DPP9: variants seen among roughly 807,000 people sequenced by gnomAD.
DPP9 encodes the protein dipeptidyl peptidase IV-related protein-2.
DPP9 carries 50 observed loss-of-function variants against 110.7 expected under a neutral mutation model. That is an observed-to-expected ratio of 0.45 (90% confidence interval 0.36 to 0.57). The LOEUF is 0.57. Ranked by LOEUF, DPP9 falls within the 20% of genes least tolerant of loss-of-function variation. DPP9 has a pLI of 0.00. For synonymous variants in DPP9, 561 were observed against 514.4 expected (o/e 1.09, Z -1.23); for missense variants, 1,022 against 1,217.9 (o/e 0.84, Z 2.39).
chr19:4,676,692 G>T lies in DPP9; in HGVS notation c.2587-36C>A. The T allele has an allele frequency of 6.5e-7, 1 of 1,532,834 alleles. No individual in the cohort carries two copies. The highest frequency in any genetic ancestry group is 8.9e-7 in the Non-Finnish European group (1 of 1,124,570). 95.0% of individuals were successfully genotyped at this position (1,532,834 alleles called of 1,614,324 possible). On this transcript the variant is annotated intron_variant, in intron 21 of 21. Coordinates refer to ENST00000262960, the MANE Select transcript of DPP9 (RefSeq NM_139159.5). This position sits in a 1 kb window ranked among gnomAD's most constrained non-coding sequence, Gnocchi z 4.0. Reference sequence around the variant, plus strand: ...ACAGGAGGCAGGGCTGGGGGGCGTGGCCGGACCACCCCCGTGTCCTAGGCT... The same window carrying T: ...ACAGGAGGCAGGGCTGGGGGGCGTGTCCGGACCACCCCCGTGTCCTAGGCT...
rs1344874023 is a variant in DPP9, at chr19:4,704,173, G to C, written c.558C>G (p.Asn186Lys). Residue 186 changes from asparagine to lysine, a missense_variant, in exon 6 of 22, where the codon AAC (asparagine) becomes AAG (lysine). Coordinates refer to ENST00000262960, the MANE Select transcript of DPP9 (RefSeq NM_139159.5). The surrounding 1 kb of genome is among the most constrained non-coding windows in gnomAD (Gnocchi z 6.0). ...CGCCGTCGCGGCAGTGGAAGAGGCT[G>C]TTGCTGGCCTGGAAGAGGAAGAGGC... is the stretch of plus-strand genomic sequence containing the variant. ...ESGLFLFQAS[N>K]SLFHCRDGGK... The C allele has an allele frequency of 6.2e-7, 1 of 1,613,922 alleles. No homozygotes were observed. The highest frequency in any genetic ancestry group is 8.5e-7 in the Non-Finnish European group (1 of 1,179,908).
rs1225504183 is a variant in DPP9, at chr19:4,694,986, A to AAAAT, written c.1354-167_1354-164dup. On this transcript the variant is annotated intron_variant, in intron 12 of 21. Coordinates refer to ENST00000262960, the MANE Select transcript of DPP9 (RefSeq NM_139159.5). This position sits in a 1 kb window ranked among gnomAD's most constrained non-coding sequence, Gnocchi z 4.0. ...ACAACATAGTAAGACCCCACCTCTA[A>AAAAT]AAATAAATAAATAAATTAGCCAGGC... is the stretch of plus-strand genomic sequence containing the variant. 3.1e-6 allele frequency: 2 copies of AAAAT among 649,566 alleles called. No individual in the cohort carries two copies. Among genetic ancestry groups the AAAAT allele is most frequent in the Non-Finnish European group, 2.6e-6 (1 of 382,350 alleles). The allele number at this position is 649,566 out of a possible 1,614,324, so 40.2% of individuals were successfully genotyped here.
In DPP9 at chr19:4,685,725, C is replaced by G. The variant is rs780477628; in HGVS notation, c.1932G>C (p.Thr644=). The change falls in exon 17 of 22, where the codon ACG becomes ACC. Residue 644 remains threonine, a synonymous_variant. Transcript: ENST00000262960. The surrounding 1 kb of genome is among the most constrained non-coding windows in gnomAD (Gnocchi z 5.8). The part of the protein sequence containing the change: ...YVPPEIFHFH[T]RSDVRLYGMI... The stretch of plus-strand genomic sequence containing the variant: ...TGCCGTAGAGCCGCACATCCGAGCG[C>G]GTGTGGAAATGGAAGATCTCTGGAG... The G allele has an allele frequency of 3.1e-6, 5 of 1,613,286 alleles. No homozygotes were observed. Among genetic ancestry groups the G allele is most frequent in the African/African-American group, 2.7e-5 (2 of 74,832 alleles).
rs750255934 is a variant in DPP9, at chr19:4,695,497, G to C, written c.1234C>G (p.Pro412Ala). 2.6e-6 allele frequency: 4 copies of C among 1,559,798 alleles called. No homozygotes were observed. The highest frequency in any genetic ancestry group is 3.5e-6 in the Non-Finnish European group (4 of 1,155,554). ...TCTGTGCTCGGGATGAACAGGGCCG[G>C]GGGGAGGAGGACGAGCTGGAGCCAC... ...QQWLQLVLLP[P>A]ALFIPSTENE... Residue 412 changes from proline (P) to alanine (A), a missense_variant, in exon 12 of 22, where the codon CCG (proline) becomes GCG (alanine). Transcript: ENST00000262960. This position sits in a 1 kb window ranked among gnomAD's most constrained non-coding sequence, Gnocchi z 4.7.
intron 13 of DPP9, among the ~76,000 whole-genome samples, chr19:4,692,460 A>G (rs911359278): frequency 2.6e-5 from 4 of 152,124 alleles, no homozygotes; most frequent in African/African-American, 7.2e-5. Flanking sequence ...ACCCAGCCCC[A>G]AGACCCAGGC....
Position 4,684,880 on chromosome 19 carries a change from G to T in DPP9, c.2032-71C>A. ...GGACGGGCCTGGCAGGGGAGATGCC[G>T]GTGGGCTGGGGACCGGGCCGGGCTG... On this transcript the variant is annotated intron_variant, in intron 17 of 21. Transcript: ENST00000262960. This position sits in a 1 kb window ranked among gnomAD's most constrained non-coding sequence, Gnocchi z 4.8. The T allele has an allele frequency of 6.5e-7, 1 of 1,545,372 alleles. No homozygotes were observed. The highest frequency in any genetic ancestry group is 8.8e-7 in the Non-Finnish European group (1 of 1,142,470).
rs1004987893 is a variant in DPP9, at chr19:4,689,543, C to T, written c.1749+27G>A. 1.9e-5 allele frequency: 30 copies of T among 1,541,398 alleles called. No individual in the cohort carries two copies. The highest frequency in any genetic ancestry group is 1.5e-4 in the African/African-American group (11 of 73,032). On this transcript the variant is annotated intron_variant, in intron 15 of 21. Coordinates refer to ENST00000262960, the MANE Select transcript of DPP9 (RefSeq NM_139159.5). This position sits in a 1 kb window ranked among gnomAD's most constrained non-coding sequence, Gnocchi z 7.0. ...TGGGAGCTGTTGGACGGGCACAGGG[C>T]GGTGCCGTGAGGCTGGGCGGTCCCA...
chr19:4,687,878 A>G lies in DPP9; in HGVS notation c.1885+879T>C, dbSNP rs1599881335. Among the ~76,000 whole-genome samples the G allele has an allele frequency of 6.6e-6, 1 of 152,022 alleles. No homozygotes were observed. The highest frequency in any genetic ancestry group is 1.5e-5 in the Non-Finnish European group (1 of 67,982). ...AGTGGTGCGATCTCAGCTCACTGCA[A>G]CCTCTGTGTCCTGGGCTCAGGCCAT... On this transcript the variant is annotated intron_variant, in intron 16 of 21. Coordinates refer to ENST00000262960, the MANE Select transcript of DPP9 (RefSeq NM_139159.5). The surrounding 1 kb of genome is among the most constrained non-coding windows in gnomAD (Gnocchi z 4.7).
chr19:4,683,334 G>A, intron 19 of DPP9, 143 bp downstream of exon 19: 2 of 1,469,796 alleles, frequency 1.4e-6, no homozygotes. Context: ...GCTGCAGGGA[G>A]AAACAGCCAC....
At chr19:4,686,771 AAGGGTACTAC>A (rs2090777765) in intron 16 of DPP9, among the ~76,000 whole-genome samples, 1 of 152,168 alleles carries the variant, frequency 6.6e-6, no homozygotes, top group Non-Finnish European at 1.5e-5. Flanking sequence ...AAGGTGAGTA[AAGGGTACTAC>A]AGGTCTAGGG....
At chr19:4,708,385 G>A (rs1419213932) in intron 4 of DPP9, among the ~76,000 whole-genome samples, 1 of 152,150 alleles carries the variant, frequency 6.6e-6, no homozygotes, top group Non-Finnish European at 1.5e-5. Flanking sequence ...TCCTTTCTTT[G>A]GAATCCCAAC....
intron 3 of DPP9, among the ~76,000 whole-genome samples, chr19:4,714,763 C>A (rs1418447302): frequency 6.6e-6 from 1 of 151,990 alleles, no homozygotes; most frequent in Non-Finnish European, 1.5e-5. Context: ...TCACTTAAAA[C>A]CCTTCCTGGT....
chr19:4,679,104 T>C (rs1457446442), intron 21 of DPP9, among the ~76,000 whole-genome samples: 1 of 77,184 alleles, frequency 1.3e-5, no homozygotes, highest in Non-Finnish European at 2.5e-5. Context: ...CCCACCCTCC[T>C]CACCGCTGAG....
At chr19:4,683,895 A>G in intron 18 of DPP9, 1 of 1,336,516 alleles carries the variant, frequency 7.5e-7, no homozygotes, top group East Asian at 2.7e-5. Context: ...GCCCATCCCT[A>G]ATAAAGGGAC....
rs77911826 is a variant in DPP9 at position 4,714,098 on chromosome 19, T to G, written c.296A>C (p.His99Pro). 6.2e-7 allele frequency: 1 copy of G among 1,611,030 alleles called. No individual in the cohort carries two copies. Residue 99 changes from histidine to proline, a missense_variant, in exon 4 of 22, where the codon CAC (histidine) becomes CCC (proline). Transcript: ENST00000262960. ...QKTDESGPHS[H>P]RLYYLGMPYG... ...CGGCTTACCCAGGTAGTAGAGGCGGTGGGAGTGGGGCCCAGACTCATCCGT... is the reference window on the plus strand; with the variant it reads ...CGGCTTACCCAGGTAGTAGAGGCGGGGGGAGTGGGGCCCAGACTCATCCGT...
rs538229987 is a variant in DPP9, at chr19:4,697,643, C to G, written c.1083G>C (p.Ser361=). 11 of 1,613,626 alleles carry G rather than the reference C, an allele frequency of 6.8e-6. No homozygotes were observed. Among genetic ancestry groups the G allele is most frequent in the Non-Finnish European group, 9.3e-6 (11 of 1,179,828 alleles). Reference sequence around the variant, plus strand: ...GCTGCACCAGCTCCTTCTCCTGGGTCGAGACGATCTGAAGGGAAACAAACA... The same window carrying G: ...GCTGCACCAGCTCCTTCTCCTGGGTGGAGACGATCTGAAGGGAAACAAACA... ...FQTDSQGKIV[S]TQEKELVQPF... Residue 361 remains serine (S), a synonymous_variant, in exon 11 of 22, where the codon TCG becomes TCC. Coordinates refer to ENST00000262960, the MANE Select transcript of DPP9 (RefSeq NM_139159.5).
Position 4,714,184 on chromosome 19 carries a change from G to C in DPP9, c.210C>G (p.Ser70Arg). ...WDGLRSIIHG[S>R]RKYSGLIVNK... ...TGACAATGAGGCCCGAGTACTTGCG[G>C]CTGCCGTGGATGATGCTCCGGAGCC... Residue 70 changes from serine (S) to arginine (R), a missense_variant, in exon 4 of 22, where the codon AGC becomes AGG. By Grantham distance (110) the Ser-to-Arg change is moderately radical. This residue lies in a region of DPP9 where 810 missense variants were observed against 920.6 expected (regional missense o/e 0.88). Transcript: ENST00000262960. The C allele has an allele frequency of 6.2e-7, 1 of 1,611,378 alleles. No individual in the cohort carries two copies. Among genetic ancestry groups the C allele is most frequent in the Non-Finnish European group, 8.5e-7 (1 of 1,178,962 alleles).
rs994273178 is a variant in DPP9 at position 4,682,360 on chromosome 19, G to A, written c.2474+336C>T. Among the ~76,000 whole-genome samples, 11 of 152,332 alleles carry A rather than the reference G, an allele frequency of 7.2e-5. No homozygotes were observed. The highest frequency in any genetic ancestry group is 1.0e-4 in the Non-Finnish European group (7 of 68,030). On this transcript the variant is annotated intron_variant, in intron 20 of 21. Coordinates refer to ENST00000262960, the MANE Select transcript of DPP9 (RefSeq NM_139159.5). This position sits in a 1 kb window ranked among gnomAD's most constrained non-coding sequence, Gnocchi z 7.1. ...GACAGAGGCTGTGATGGGGCCTCCAGCAGGATGCAGGGGAGTGGGGGAGGC... is the reference window on the plus strand; with the variant it reads ...GACAGAGGCTGTGATGGGGCCTCCAACAGGATGCAGGGGAGTGGGGGAGGC...
chr19:4,722,659 G>C (rs2093372846), intron 1 of DPP9, 108 bp from the exon 2 acceptor site: 1 of 679,624 alleles, frequency 1.5e-6, no homozygotes, highest in Admixed American at 2.1e-5. Flanking sequence ...GATTCTACCT[G>C]GCTAGATTCT....
Sources: allele counts gnomAD v4.1 joint callset (sites outside exome capture counted in the v4.1 genomes callset), GRCh38; gene constraint gnomAD v4.1.1; regional missense constraint gnomAD v4.1.1; non-coding constraint Gnocchi (gnomAD v3.1); transcripts MANE v1.5; gene names NCBI Gene and HGNC (gene_info 2026-07-23, HGNC 2026-07-21).